TBK1: variants seen among roughly 807,000 people sequenced by gnomAD.
TBK1 encodes the protein TANK binding kinase 1.
Under a neutral mutation model 99.9 loss-of-function variants are expected in TBK1, and 37 were observed. The ratio of observed to expected loss-of-function variants is 0.37; its 90% CI spans 0.28 to 0.49. The LOEUF is 0.49. TBK1 is among the 20% of genes least tolerant of loss of function. The pLI, the probability that TBK1 is intolerant of heterozygous loss-of-function variation, is 0.98. For synonymous variants in TBK1, 258 were observed against 279.8 expected, an observed-to-expected ratio of 0.92 and a Z score of 0.78; for missense variants, 644 against 872.5, an observed-to-expected ratio of 0.74 and a Z score of 3.30.
intron 15 of TBK1, 140 bp downstream of exon 15, chr12:64,495,915 G>T: frequency 9.6e-6 from 5 of 519,980 alleles, no homozygotes; most frequent in South Asian, 3.5e-5. Context: ...CAGGAAAAAG[G>T]TTGATTGTGT....
At chr12:64,463,270 G>A (rs1211278464) in intron 3 of TBK1, among the ~76,000 whole-genome samples, 2 of 152,038 alleles carry the variant, frequency 1.3e-5, no homozygotes, top group Non-Finnish European at 2.9e-5. Context: ...TATTCAGGAG[G>A]CTGAGGCAGG....
intron 20 of TBK1, among the ~76,000 whole-genome samples, chr12:64,499,600 C>A (rs2040966129): frequency 6.7e-6 from 1 of 148,552 alleles, no homozygotes; most frequent in African/African-American, 2.5e-5. Flanking sequence ...AATTATCTAA[C>A]TTTTATAGTA....
intron 9 of TBK1, among the ~76,000 whole-genome samples, chr12:64,485,000 A>G (rs2040804482): frequency 6.6e-6 from 1 of 152,202 alleles, no homozygotes; most frequent in Non-Finnish European, 1.5e-5. Context: ...TGTTTTGCTA[A>G]CACTCAAAAT....
chr12:64,466,109 A>G (rs1407731756), intron 4 of TBK1, among the ~76,000 whole-genome samples: 1 of 152,190 alleles, frequency 6.6e-6, no homozygotes, highest in Non-Finnish European at 1.5e-5. Context: ...GAGAAACAAT[A>G]TTACTAGTAT....
intron 3 of TBK1, among the ~76,000 whole-genome samples, chr12:64,463,379 CA>C (rs113080890): frequency 0.13 from 14,872 of 111,316 alleles, 783 homozygotes; most frequent in Middle Eastern, 0.28. Context: ...GACTTTGTCT[CA>C]AAAAAAAAAA....
chr12:64,499,411 T>C (rs928601119), intron 20 of TBK1, among the ~76,000 whole-genome samples: 2 of 151,954 alleles, frequency 1.3e-5, no homozygotes. Flanking sequence ...TTTGGCAACA[T>C]TGAATGTATA....
intron 6 of TBK1, among the ~76,000 whole-genome samples, chr12:64,479,290 A>C (rs1003703804): frequency 2.6e-5 from 4 of 152,176 alleles, no homozygotes; most frequent in African/African-American, 9.7e-5. Context: ...AATCCCACAC[A>C]TGTGCACTTA....
intron 4 of TBK1, among the ~76,000 whole-genome samples, chr12:64,466,615 A>G (rs2040607080): frequency 1.3e-5 from 2 of 152,112 alleles, no homozygotes; most frequent in South Asian, 4.1e-4. Context: ...AATTCAAGAA[A>G]TCATATGCTT....
At chr12:64,453,328 T>C (rs1484604895) in intron 1 of TBK1, among the ~76,000 whole-genome samples, 1 of 152,256 alleles carries the variant, frequency 6.6e-6, no homozygotes, top group Non-Finnish European at 1.5e-5. Flanking sequence ...TATAGGTACC[T>C]AATGGTACTA....
chr12:64,497,089 C>T, intron 17 of TBK1, 39 bp downstream of exon 17: 2 of 1,583,002 alleles, frequency 1.3e-6, no homozygotes, highest in Non-Finnish European at 1.7e-6. Context: ...TGGTTGACTG[C>T]ACAATATAAA....
chr12:64,501,538 A>G lies in TBK1; in HGVS notation c.*157A>G. On this transcript the variant is annotated 3_prime_UTR_variant, in exon 21 of 21. Transcript: ENST00000331710. ...AATATTGTAAATACATAAAAAATAT[A>G]CAAATTTTTGGCTGCTGTGAAGATG... The G allele has an allele frequency of 1.4e-6, 1 of 705,302 alleles. No homozygotes were observed. Among genetic ancestry groups the G allele is most frequent in the Non-Finnish European group, 2.2e-6 (1 of 453,400 alleles). 43.7% of individuals were successfully genotyped at this position (705,302 alleles called of 1,614,324 possible).
At chr12:64,456,703 G>C (rs776470438) in intron 2 of TBK1, among the ~76,000 whole-genome samples, 2 of 151,928 alleles carry the variant, frequency 1.3e-5, no homozygotes, top group South Asian at 4.1e-4. Context: ...TTAGCCAGGC[G>C]TGGTGGCGGG....
intron 13 of TBK1, among the ~76,000 whole-genome samples, chr12:64,493,871 A>G (rs1363026525): frequency 1.3e-5 from 2 of 152,202 alleles, no homozygotes; most frequent in Admixed American, 6.5e-5. Context: ...CTCTACAAAC[A>G]TATGGTTGTT....
rs750194358 is a variant in TBK1 at position 64,466,879 on chromosome 12, C to G, written c.359-22C>G. On this transcript the variant is annotated intron_variant, in intron 4 of 20. Transcript: ENST00000331710. ...CACGTAAATATCTACATTATGACTT[C>G]TTTTGTTTTATATTGTTGAAGTGGG... 3.9e-6 allele frequency: 6 copies of G among 1,520,464 alleles called. No homozygotes were observed. In the Admixed American group the frequency reaches 9.9e-5, roughly 25 times the overall value. The allele number at this position is 1,520,464 out of a possible 1,614,324, so 94.2% of individuals were successfully genotyped here.
intron 6 of TBK1, among the ~76,000 whole-genome samples, chr12:64,479,722 T>C (rs2040749507): frequency 6.6e-6 from 1 of 152,194 alleles, no homozygotes; most frequent in Non-Finnish European, 1.5e-5. Flanking sequence ...TTTTTTCAGA[T>C]GGAAAAATTA....
chr12:64,490,435 TC>T (rs1262389796), intron 13 of TBK1, among the ~76,000 whole-genome samples: 1 of 152,160 alleles, frequency 6.6e-6, no homozygotes, highest in East Asian at 1.9e-4. Flanking sequence ...TTTAGAAACT[TC>T]TTTACAATAT....
At chr12:64,500,247 T>A (rs937500245) in intron 20 of TBK1, among the ~76,000 whole-genome samples, 1 of 151,704 alleles carries the variant, frequency 6.6e-6, no homozygotes, top group Non-Finnish European at 1.5e-5. Flanking sequence ...TCACTTCAAA[T>A]TTTTTTTTGA....
intron 18 of TBK1, 34 bp from the exon 19 acceptor site, chr12:64,497,614 T>A (rs751749487): frequency 3.8e-6 from 5 of 1,311,364 alleles, no homozygotes; most frequent in East Asian, 2.4e-5. Context: ...TAATGTGGGG[T>A]TTTTTTCTTT....
At chr12:64,501,217 T>C in intron 20 of TBK1, 113 bp from the exon 21 acceptor site, 1 of 982,744 alleles carries the variant, frequency 1.0e-6, no homozygotes. Context: ...TTACTTAAAC[T>C]CTTTAAAAAT....
Sources: gnomAD v4.1 joint callset for allele counts (sites outside exome capture counted in the v4.1 genomes callset) on GRCh38, gnomAD v4.1.1 for gene constraint, MANE v1.5 for transcripts, NCBI Gene and HGNC (gene_info 2026-07-23, HGNC 2026-07-21) for gene names.